The following CHD6 variants were observed in gnomAD, a reference collection of about 807,000 sequenced individuals.
CHD6 encodes ATP-dependent chromatin remodeler CHD6.
Under a neutral mutation model 276.9 loss-of-function variants are expected in CHD6, and 50 were observed. The observed-to-expected ratio is 0.18, with a 90% CI of 0.14 to 0.23. The LOEUF is 0.23. Among genes scored for constraint, CHD6 ranks in the 10% least tolerant of loss-of-function variants. The pLI is 1.00. For synonymous variants in CHD6, 1,173 were observed against 1,229.3 expected (o/e 0.95, Z 0.96); for missense variants, 2,564 against 3,365.8 (o/e 0.76, Z 5.89).
intron 27 of CHD6, among the ~76,000 whole-genome samples, chr20:41,429,836 C>A (rs1038566754): frequency 6.6e-6 from 1 of 152,150 alleles, no homozygotes; most frequent in Admixed American, 6.5e-5. Context: ...CTGACAGCCC[C>A]GCTAAAGAGG....
intron 1 of CHD6, among the ~76,000 whole-genome samples, chr20:41,598,599 A>G (rs1164815015): frequency 6.6e-6 from 1 of 152,168 alleles, no homozygotes; most frequent in Non-Finnish European, 1.5e-5. Context: ...AGGCATGCCA[A>G]ACTCTCTTGC....
chr20:41,494,010 G>T, intron 8 of CHD6, 66 bp from the exon 9 acceptor site: 4 of 1,171,676 alleles, frequency 3.4e-6, no homozygotes, highest in African/African-American at 1.5e-5. Flanking sequence ...CACCTAGGGT[G>T]TTATCTCTAA....
chr20:41,498,847 GTAT>G, intron 6 of CHD6, among the ~76,000 whole-genome samples: 1 of 149,120 alleles, frequency 6.7e-6, no homozygotes, highest in East Asian at 2.0e-4. Flanking sequence ...GTGTGTGTGT[GTAT>G]TTTAAATAGA....
chr20:41,409,608 C>T (rs894990534), intron 36 of CHD6, among the ~76,000 whole-genome samples: 25 of 152,218 alleles, frequency 1.6e-4, no homozygotes, highest in South Asian at 4.2e-4. Flanking sequence ...AGAGACCTAA[C>T]GACAAAATGC....
Position 41,452,791 on chromosome 20 carries a change from C to T in CHD6, c.3272G>A (p.Arg1091His), listed in dbSNP as rs766020334. 6 of 1,613,106 alleles carry T rather than the reference C, an allele frequency of 3.7e-6. No individual in the cohort carries two copies. Among genetic ancestry groups the T allele is most frequent in the South Asian group, 1.1e-5 (1 of 90,998 alleles). ...CCGGAAGCACTCCGCTCGGAGGTAG[C>T]GCCTGGCTTTGTCATTGAGGCGCCT... is the stretch of plus-strand genomic sequence containing the variant. ...RSRRLNDKAR[R>H]YLRAECFRVE... is the part of the protein sequence containing the mutation. Residue 1091 changes from arginine to histidine, a missense_variant, in exon 21 of 37, where the codon CGC (arginine) becomes CAC (histidine). Transcript: ENST00000373233. This position sits in a 1 kb window ranked among gnomAD's most constrained non-coding sequence, Gnocchi z 4.2.
chr20:41,519,152 G>A (rs1467597514), intron 3 of CHD6, among the ~76,000 whole-genome samples: 4 of 152,136 alleles, frequency 2.6e-5, no homozygotes, highest in African/African-American at 7.2e-5. Context: ...GCATGGTGGC[G>A]CAGGCCTGTG....
At chr20:41,406,423 G>C (rs553706366) in intron 36 of CHD6, among the ~76,000 whole-genome samples, 47 of 152,322 alleles carry the variant, frequency 3.1e-4, no homozygotes, top group African/African-American at 1.1e-3. Context: ...AACCCATCAG[G>C]ATGGCTGAGC....
At chr20:41,545,092 G>A (rs2045014618) in intron 2 of CHD6, among the ~76,000 whole-genome samples, 1 of 152,122 alleles carries the variant, frequency 6.6e-6, no homozygotes, top group Non-Finnish European at 1.5e-5. Context: ...TTCTCCGGAT[G>A]TCCTTCTTTA....
chr20:41,523,212 G>T (rs920190212), intron 3 of CHD6, among the ~76,000 whole-genome samples: 4 of 152,064 alleles, frequency 2.6e-5, no homozygotes, highest in African/African-American at 9.7e-5. Context: ...TAATTTGATT[G>T]GGTTTATGTT....
intron 26 of CHD6, 76 bp downstream of exon 26, chr20:41,439,924 G>C: frequency 6.8e-7 from 1 of 1,472,428 alleles, no homozygotes; most frequent in Non-Finnish European, 9.4e-7. Context: ...GATAAAGAGT[G>C]CTGGGTTTAT....
chr20:41,584,238 G>A (rs6129876), intron 1 of CHD6, among the ~76,000 whole-genome samples: 11,587 of 152,136 alleles, frequency 0.076, 853 homozygotes, highest in East Asian at 0.32. Flanking sequence ...AATATTGAAA[G>A]CAATAGAGAG....
At position 41,404,284 on chromosome 20, in the gene CHD6, G is replaced by C; in HGVS notation, c.*309C>G. On this transcript the variant is annotated 3_prime_UTR_variant, in exon 37 of 37. Transcript: ENST00000373233. ...TTTGCCATTTTTCCTCCTCAAGTGA[G>C]TGGGAAACTTGGAAGAGAAGGGGGT... The C allele has an allele frequency of 9.0e-7, 1 of 1,108,496 alleles. No individual in the cohort carries two copies. The highest frequency in any genetic ancestry group is 4.5e-5 in the South Asian group (1 of 22,446). The allele number at this position is 1,108,496 out of a possible 1,614,324, so 68.7% of individuals were successfully genotyped here. A position where few individuals can be genotyped will look rare whatever the true frequency, so the allele number is the denominator to read the frequency against.
At chr20:41,606,289 A>C (rs2045827328) in intron 1 of CHD6, among the ~76,000 whole-genome samples, 1 of 152,192 alleles carries the variant, frequency 6.6e-6, no homozygotes, top group Non-Finnish European at 1.5e-5. Flanking sequence ...AGGCGGGCAG[A>C]TCACGAGGTC....
chr20:41,551,365 A>G lies in CHD6; in HGVS notation c.-23-5T>C. 7.6e-7 allele frequency: 1 copy of G among 1,311,696 alleles called. No homozygotes were observed. Among genetic ancestry groups the G allele is most frequent in the Non-Finnish European group, 1.1e-6 (1 of 919,090 alleles). The allele number at this position is 1,311,696 out of a possible 1,614,324, so 81.3% of individuals were successfully genotyped here. A position where few individuals can be genotyped will look rare whatever the true frequency, so the allele number is the denominator to read the frequency against. Reference sequence around the variant, plus strand: ...ATTGAAGGAAGATATTTATTTCTGTAAAACATTTTTAAAAAGGCAAAGATT... The same window carrying G: ...ATTGAAGGAAGATATTTATTTCTGTGAAACATTTTTAAAAAGGCAAAGATT... On this transcript the variant is annotated splice_polypyrimidine_tract_variant and splice_region_variant and intron_variant, in intron 1 of 36. Transcript: ENST00000373233.
rs1046152378 is a variant in CHD6, at chr20:41,473,772, G to A, written c.2469-255C>T. ...AAAACAAAGCAAAAAAAAACCAGCT[G>A]TAAACTAAGAAGGACTAGAAGAATT... is the stretch of plus-strand genomic sequence containing the variant. On this transcript the variant is annotated intron_variant, in intron 16 of 36. Coordinates refer to ENST00000373233, the MANE Select transcript of CHD6 (RefSeq NM_032221.5). The surrounding 1 kb of genome is among the most constrained non-coding windows in gnomAD (Gnocchi z 4.1). 1.3e-5 allele frequency among the ~76,000 whole-genome samples: 2 copies of A among 152,038 alleles called. No individual in the cohort carries two copies. The highest frequency in any genetic ancestry group is 4.8e-5 in the African/African-American group (2 of 41,416).
At chr20:41,500,641 G>A (rs947131538) in intron 5 of CHD6, among the ~76,000 whole-genome samples, 6 of 152,096 alleles carry the variant, frequency 3.9e-5, no homozygotes, top group African/African-American at 1.4e-4. Flanking sequence ...TATTTGCTCT[G>A]CTTGGTTCCT....
intron 1 of CHD6, among the ~76,000 whole-genome samples, chr20:41,567,065 GC>G (rs1398988439): frequency 1.3e-5 from 2 of 152,104 alleles, no homozygotes; most frequent in Admixed American, 1.3e-4. Context: ...TTGCACTATG[GC>G]CTACACAGCT....
In CHD6 at chr20:41,533,134, G is replaced by A. The variant is rs1421046738; in HGVS notation, c.470C>T (p.Pro157Leu). The A allele has an allele frequency of 5.6e-6, 9 of 1,614,086 alleles. No homozygotes were observed. In the African/African-American group the frequency reaches 9.3e-5, roughly 17 times the overall value. ...CTCCTTGGTGCCCGAGGCCTCCCGGGGCTTCCGTGCCTTCTTTGCCCCATC... is the reference window on the plus strand; with the variant it reads ...CTCCTTGGTGCCCGAGGCCTCCCGGAGCTTCCGTGCCTTCTTTGCCCCATC... Reference protein sequence around the residue: ...QKDGAKKARKPREASGTKEAK... With the variant: ...QKDGAKKARKLREASGTKEAK... The change falls in exon 3 of 37, where the codon CCC becomes CTC. Residue 157 changes from proline (P) to leucine (L), a missense_variant. Coordinates refer to ENST00000373233, the MANE Select transcript of CHD6 (RefSeq NM_032221.5).
intron 5 of CHD6, among the ~76,000 whole-genome samples, chr20:41,506,667 T>C (rs2043983878): frequency 6.6e-6 from 1 of 152,236 alleles, no homozygotes; most frequent in Non-Finnish European, 1.5e-5. Flanking sequence ...TCTCTCTATT[T>C]ACTTCTACTC....
Sources: allele counts gnomAD v4.1 joint callset (sites outside exome capture counted in the v4.1 genomes callset), GRCh38; gene constraint gnomAD v4.1.1; non-coding constraint Gnocchi (gnomAD v3.1); transcripts MANE v1.5; gene names NCBI Gene and HGNC (gene_info 2026-07-23, HGNC 2026-07-21).